Variants in DPYD observed in about 807,000 individuals in gnomAD.
DPYD encodes dihydropyrimidine dehydrogenase [NADP(+)].
A neutral mutation model predicts 116.2 loss-of-function variants in DPYD; 109 were observed. The ratio of observed to expected loss-of-function variants is 0.94; its 90% CI spans 0.80 to 1.10. DPYD has a LOEUF of 1.10. DPYD is among the 50% of genes least tolerant of loss of function. DPYD has a pLI of 0.00. For missense variants in DPYD, 1,302 were observed against 1,254.5 expected (o/e 1.04, Z -0.57); for synonymous variants, 440 against 432.0 (o/e 1.02, Z -0.23).
chr1:97,426,697 C>G (rs1469488497), intron 14 of DPYD, among the ~76,000 whole-genome samples: 2 of 151,908 alleles, frequency 1.3e-5, no homozygotes, highest in African/African-American at 2.4e-5. Context: ...AAGGAATACT[C>G]CTCTTTTTCA....
chr1:97,396,739 TG>T (rs1369739635), intron 14 of DPYD, among the ~76,000 whole-genome samples: 2 of 152,032 alleles, frequency 1.3e-5, no homozygotes, highest in African/African-American at 4.8e-5. Flanking sequence ...GCATGCCACA[TG>T]TACTTTTAGA....
rs887685238 is a variant in DPYD at position 97,737,165 on chromosome 1, G to T, written c.321+3227C>A. On this transcript the variant is annotated intron_variant, in intron 4 of 22. Coordinates refer to ENST00000370192, the MANE Select transcript of DPYD (RefSeq NM_000110.4). Reference sequence around the variant, plus strand: ...CTTTGGAGACATGCTGGTCAAAGGAGATAGAGGTTTTGTTTTGTTTTGTTT... The same window carrying T: ...CTTTGGAGACATGCTGGTCAAAGGATATAGAGGTTTTGTTTTGTTTTGTTT... Among the ~76,000 whole-genome samples the T allele has an allele frequency of 9.9e-5, 15 of 152,172 alleles. No individual in the cohort carries two copies. In the East Asian group the frequency reaches 2.1e-3, roughly 22 times the overall value.
At chr1:97,920,802 C>T (rs1351746592) in intron 1 of DPYD, 82 bp downstream of exon 1, 13 of 1,527,792 alleles carry the variant, frequency 8.5e-6, no homozygotes, top group Non-Finnish European at 1.1e-5. Flanking sequence ...GGTGCGGGGG[C>T]CGCGGGGGCC....
At chr1:97,193,621 T>A (rs1304946603) in intron 19 of DPYD, among the ~76,000 whole-genome samples, 1 of 152,180 alleles carries the variant, frequency 6.6e-6, no homozygotes, top group Non-Finnish European at 1.5e-5. Flanking sequence ...TCTATTGGGA[T>A]GTGCTGCCTG....
rs185281517 is a variant in DPYD, at chr1:97,765,192, T to C, written c.234-24713A>G. 2.4e-3 allele frequency among the ~76,000 whole-genome samples: 369 copies of C among 152,360 alleles called. 6 individuals carry two copies. Among genetic ancestry groups the C allele is most frequent in the Admixed American group, 9.5e-3 (145 of 15,300 alleles). Reference sequence around the variant, plus strand: ...CTTCACTCTTGAGTTTTACTTTTAGTTTCAAGCATTGTCATAAACTCATTG... The same window carrying C: ...CTTCACTCTTGAGTTTTACTTTTAGCTTCAAGCATTGTCATAAACTCATTG... On this transcript the variant is annotated intron_variant, in intron 3 of 22. Coordinates refer to ENST00000370192, the MANE Select transcript of DPYD (RefSeq NM_000110.4).
At chr1:97,873,686 A>G (rs1671769905) in intron 2 of DPYD, among the ~76,000 whole-genome samples, 1 of 151,994 alleles carries the variant, frequency 6.6e-6, no homozygotes, top group Non-Finnish European at 1.5e-5. Context: ...AATAATTAAC[A>G]AAACAACAGT....
intron 18 of DPYD, among the ~76,000 whole-genome samples, chr1:97,296,325 C>T (rs1666528296): frequency 6.6e-6 from 1 of 152,002 alleles, no homozygotes. Flanking sequence ...TAATTTTAGG[C>T]TTACAATGGA....
intron 20 of DPYD, among the ~76,000 whole-genome samples, chr1:97,157,590 T>A (rs1283286478): frequency 6.6e-6 from 1 of 152,098 alleles, no homozygotes; most frequent in African/African-American, 2.4e-5. Flanking sequence ...GGTGACTGAA[T>A]GGGGAAGCAA....
chr1:97,494,058 A>G (rs1411197493), intron 13 of DPYD, among the ~76,000 whole-genome samples: 1 of 152,240 alleles, frequency 6.6e-6, no homozygotes, highest in Non-Finnish European at 1.5e-5. Context: ...AGTTGCTAGT[A>G]GTAAAAGAGA....
chr1:97,170,736 C>T (rs895922902), intron 20 of DPYD, among the ~76,000 whole-genome samples: 2 of 151,134 alleles, frequency 1.3e-5, no homozygotes, highest in East Asian at 3.9e-4. Flanking sequence ...AGTGCAGTGG[C>T]GTGATCTTGG....
At chr1:97,601,478 A>G (rs961213243) in intron 8 of DPYD, among the ~76,000 whole-genome samples, 4 of 152,030 alleles carry the variant, frequency 2.6e-5, no homozygotes, top group Admixed American at 1.3e-4. Flanking sequence ...ATGTATATAT[A>G]TGTTTATATA....
At chr1:97,316,481 T>A (rs1156644083) in intron 16 of DPYD, among the ~76,000 whole-genome samples, 2 of 147,862 alleles carry the variant, frequency 1.4e-5, no homozygotes, top group Non-Finnish European at 3.0e-5. Flanking sequence ...GTCACTGCAT[T>A]CCAGCCTGGG....
chr1:97,682,411 G>T (rs1045745059), intron 7 of DPYD, among the ~76,000 whole-genome samples: 1 of 151,790 alleles, frequency 6.6e-6, no homozygotes, highest in African/African-American at 2.4e-5. Flanking sequence ...CAGGCACAAG[G>T]CTTCCTTCCT....
chr1:97,714,769 A>G (rs1662516021), intron 5 of DPYD, among the ~76,000 whole-genome samples: 1 of 152,046 alleles, frequency 6.6e-6, no homozygotes, highest in Non-Finnish European at 1.5e-5. Flanking sequence ...TATGGTGACC[A>G]AGTATATTTG....
intron 12 of DPYD, among the ~76,000 whole-genome samples, chr1:97,524,357 GGGT>G (rs1205288677): frequency 6.6e-6 from 1 of 152,170 alleles, no homozygotes; most frequent in Non-Finnish European, 1.5e-5. Context: ...GTCATGCCAT[GGGT>G]GTGAAGTTGG....
chr1:97,920,014 A>C (rs1162010226), intron 1 of DPYD, among the ~76,000 whole-genome samples: 1 of 152,216 alleles, frequency 6.6e-6, no homozygotes, highest in African/African-American at 2.4e-5. Flanking sequence ...ACACACACAT[A>C]ATTTTCTACC....
chr1:97,541,161 G>A (rs746537484), intron 12 of DPYD, among the ~76,000 whole-genome samples: 15 of 152,086 alleles, frequency 9.9e-5, no homozygotes, highest in East Asian at 1.9e-4. Flanking sequence ...GTATACCTAC[G>A]AAATTTCTGC....
At chr1:97,739,377 T>C (rs1167316220) in intron 4 of DPYD, among the ~76,000 whole-genome samples, 1 of 152,076 alleles carries the variant, frequency 6.6e-6, no homozygotes, top group African/African-American at 2.4e-5. Flanking sequence ...TACCCCCAGT[T>C]TCACAATAAG....
intron 20 of DPYD, among the ~76,000 whole-genome samples, chr1:97,130,333 G>A (rs1362519789): frequency 6.6e-6 from 1 of 152,120 alleles, no homozygotes; most frequent in African/African-American, 2.4e-5. Context: ...CTAGAACAAA[G>A]TATCTTCTTT....
Sources: gnomAD v4.1 joint callset for allele counts (sites outside exome capture counted in the v4.1 genomes callset) on GRCh38, gnomAD v4.1.1 for gene constraint, MANE v1.5 for transcripts, NCBI Gene and HGNC (gene_info 2026-07-23, HGNC 2026-07-21) for gene names.